The following TBP variants were observed in gnomAD, a reference collection of about 807,000 sequenced individuals.
The protein encoded by TBP is TATA-box-binding protein.
Under a neutral mutation model 46.2 loss-of-function variants are expected in TBP, and 12 were observed. The observed-to-expected ratio is 0.26, with a 90% CI of 0.17 to 0.42. The LOEUF is 0.42. Ranked by LOEUF, TBP falls within the 10% of genes least tolerant of loss-of-function variation. The pLI is 1.00. For missense variants in TBP, 229 were observed against 403.1 expected (o/e 0.57, Z 3.70); for synonymous variants, 157 against 148.3 (o/e 1.06, Z -0.42).
chr6:170,569,912 G>A (rs1020553694), intron 6 of TBP, 133 bp downstream of exon 6: 4 of 837,808 alleles, frequency 4.8e-6, no homozygotes, highest in Non-Finnish European at 7.0e-6. Context: ...ATGTATTCTT[G>A]CATTGTCTTC....
chr6:170,560,251 T>C (rs1301994216), intron 2 of TBP, among the ~76,000 whole-genome samples: 1 of 151,946 alleles, frequency 6.6e-6, no homozygotes, highest in Non-Finnish European at 1.5e-5. Flanking sequence ...GTAATCTCAG[T>C]ACTTTGGGAG....
intron 4 of TBP, among the ~76,000 whole-genome samples, 154 bp downstream of exon 4, chr6:170,564,786 T>C (rs1779213097): frequency 6.6e-6 from 1 of 151,328 alleles, no homozygotes; most frequent in Non-Finnish European, 1.5e-5. Context: ...TTTGGGAGGC[T>C]GAGGAAGGAG....
Position 170,556,921 on chromosome 6 carries a change from TGAG to T in TBP, c.-106_-104del. The T allele has an allele frequency of 1.0e-6, 1 of 979,804 alleles. No homozygotes were observed. The highest frequency in any genetic ancestry group is 1.4e-5 in the South Asian group (1 of 69,828). The allele number at this position is 979,804 out of a possible 1,614,324, so 60.7% of individuals were successfully genotyped here. A position where few individuals can be genotyped will look rare whatever the true frequency, so the allele number is the denominator to read the frequency against. ...GGCGTGTGAAGATAACCCAAGGAAT[TGAG>T]GAAGTTGCTGAGAAGAGTGTGCTGG... On this transcript the variant is annotated 5_prime_UTR_variant, in exon 2 of 8. Coordinates refer to ENST00000392092, the MANE Select transcript of TBP (RefSeq NM_003194.5).
chr6:170,571,636 TCTG>T, intron 7 of TBP, 132 bp downstream of exon 7: 1 of 688,702 alleles, frequency 1.5e-6, no homozygotes. Flanking sequence ...CCACCCAAAG[TCTG>T]ATGAGAAACG....
In TBP at chr6:170,561,772, T is replaced by C; in HGVS notation, c.55-19T>C. The C allele has an allele frequency of 1.2e-6, 2 of 1,601,824 alleles. No individual in the cohort carries two copies. The highest frequency in any genetic ancestry group is 1.7e-6 in the Non-Finnish European group (2 of 1,170,828). Reference sequence around the variant, plus strand: ...TAGCAGCAGCCAGCCTAACCTGTTTTTCTCCTTGCTTTCCACAGGGTGCCA... The same window carrying C: ...TAGCAGCAGCCAGCCTAACCTGTTTCTCTCCTTGCTTTCCACAGGGTGCCA... On this transcript the variant is annotated intron_variant, in intron 2 of 7. Coordinates refer to ENST00000392092, the MANE Select transcript of TBP (RefSeq NM_003194.5).
chr6:170,564,732 T>A, intron 4 of TBP, 100 bp downstream of exon 4: 1 of 742,552 alleles, frequency 1.3e-6, no homozygotes, highest in Non-Finnish European at 2.0e-6. Context: ...CAAATGTCTG[T>A]AGATCAGGCC....
At chr6:170,565,047 C>G (rs1199511022) in intron 4 of TBP, among the ~76,000 whole-genome samples, 1 of 69,108 alleles carries the variant, frequency 1.4e-5, no homozygotes, top group Non-Finnish European at 4.1e-5. Flanking sequence ...ATCCCGGCTA[C>G]TTGGGAGGCT....
At chr6:170,555,673 C>T (rs1291514303) in intron 1 of TBP, among the ~76,000 whole-genome samples, 1 of 152,196 alleles carries the variant, frequency 6.6e-6, no homozygotes, top group East Asian at 1.9e-4. Context: ...TCTATATTGT[C>T]TTCTCTTCCA....
In TBP at chr6:170,562,069, A is replaced by G. The variant is rs776912164; in HGVS notation, c.333A>G (p.Thr111=). 6.2e-7 allele frequency: 1 copy of G among 1,614,080 alleles called. No homozygotes were observed. The highest frequency in any genetic ancestry group is 1.6e-4 in the Middle Eastern group (1 of 6,062). Residue 111 remains threonine, a synonymous_variant, in exon 3 of 8, where the codon ACA becomes ACG. Coordinates refer to ENST00000392092, the MANE Select transcript of TBP (RefSeq NM_003194.5). ...AGCAGTCAACGTCCCAGCAGGCAAC[A>G]CAGGGAACCTCAGGCCAGGCACCAC... ...AVQQSTSQQA[T]QGTSGQAPQL...
intron 1 of TBP, among the ~76,000 whole-genome samples, chr6:170,554,950 T>C (rs1193624170): frequency 2.0e-5 from 3 of 152,186 alleles, no homozygotes; most frequent in Non-Finnish European, 4.4e-5. Context: ...GGGTCTCCCG[T>C]CTCTCGGTTC....
chr6:170,557,586 T>A (rs1779052031), intron 2 of TBP, among the ~76,000 whole-genome samples: 1 of 151,864 alleles, frequency 6.6e-6, no homozygotes, highest in Non-Finnish European at 1.5e-5. Context: ...TATACAAAAA[T>A]TAGCCAGGTG....
At position 170,569,690 on chromosome 6, in the gene TBP, C is replaced by G. The variant is rs759710446; in HGVS notation, c.756C>G (p.Asp252Glu). 2 of 1,614,088 alleles carry G rather than the reference C, an allele frequency of 1.2e-6. No homozygotes were observed. The highest frequency in any genetic ancestry group is 2.2e-5 in the East Asian group (1 of 44,866). ...TGGGTTTTCCAGCTAAGTTCTTGGA[C>G]TTCAAGATTCAGAATATGGTGGGGA... ...QKLGFPAKFL[D>E]FKIQNMVGSC... The change falls in exon 6 of 8, where the codon GAC (aspartate) becomes GAG (glutamate). Residue 252 changes from aspartate to glutamate, a missense_variant. Transcript: ENST00000392092.
At chr6:170,558,255 T>A (rs994288495) in intron 2 of TBP, among the ~76,000 whole-genome samples, 2 of 152,238 alleles carry the variant, frequency 1.3e-5, no homozygotes, top group African/African-American at 4.8e-5. Context: ...GGTATATGTA[T>A]AACTTTATAA....
intron 4 of TBP, among the ~76,000 whole-genome samples, chr6:170,565,145 G>A (rs952508052): frequency 6.6e-6 from 1 of 152,104 alleles, no homozygotes; most frequent in Non-Finnish European, 1.5e-5. Context: ...AACAGAGCGA[G>A]ACTCCGCCTC....
intron 4 of TBP, among the ~76,000 whole-genome samples, chr6:170,565,890 TAGC>T (rs1396098159): frequency 1.3e-5 from 2 of 151,992 alleles, no homozygotes; most frequent in African/African-American, 4.8e-5. Flanking sequence ...CTGGGCAACA[TAGC>T]AAGGCCTTGT....
chr6:170,571,597 A>G (rs1779367249), intron 7 of TBP, 93 bp downstream of exon 7: 9 of 977,528 alleles, frequency 9.2e-6, no homozygotes, highest in Non-Finnish European at 1.1e-5. Context: ...GTGTTCGGAC[A>G]GTGGGCTAGC....
intron 4 of TBP, 141 bp downstream of exon 4, chr6:170,564,773 C>CACTTTGGG (rs1453054750): frequency 7.5e-6 from 3 of 401,464 alleles, no homozygotes; most frequent in African/African-American, 6.4e-5. Context: ...GTAATCCCAG[C>CACTTTGGG]ACTTTGGGAG....
At chr6:170,562,542 G>A (rs1022056306) in intron 3 of TBP, among the ~76,000 whole-genome samples, 12 of 152,174 alleles carry the variant, frequency 7.9e-5, no homozygotes, top group East Asian at 1.9e-4. Flanking sequence ...ATCTGATATC[G>A]CTAAATCACA....
At chr6:170,568,613 C>G (rs563218037) in intron 5 of TBP, among the ~76,000 whole-genome samples, 8 of 151,658 alleles carry the variant, frequency 5.3e-5, no homozygotes, top group African/African-American at 1.9e-4. Context: ...CACCACCATG[C>G]CTGGCTAATT....
Sources: gnomAD v4.1 joint callset for allele counts (sites outside exome capture counted in the v4.1 genomes callset) on GRCh38, gnomAD v4.1.1 for gene constraint, MANE v1.5 for transcripts, NCBI Gene and HGNC (gene_info 2026-07-23, HGNC 2026-07-21) for gene names.